The following MEF2A variants were observed in gnomAD, a reference collection of about 807,000 sequenced individuals.
MEF2A encodes myocyte-specific enhancer factor 2A.
Under a neutral mutation model 55.8 loss-of-function variants are expected in MEF2A, and 28 were observed. The ratio of observed to expected loss-of-function variants is 0.50; its 90% confidence interval spans 0.37 to 0.69. The LOEUF is 0.69. Among genes scored for constraint, MEF2A ranks in the 30% least tolerant of loss-of-function variants. MEF2A has a pLI of 0.00. For missense variants in MEF2A, 528 were observed against 626.2 expected (o/e 0.84, Z 1.67); for synonymous variants, 239 against 227.1 (o/e 1.05, Z -0.47).
At chr15:99,601,911 T>G (rs890911402) in intron 2 of MEF2A, among the ~76,000 whole-genome samples, 1 of 151,800 alleles carries the variant, frequency 6.6e-6, no homozygotes, top group Non-Finnish European at 1.5e-5. Flanking sequence ...TTGAAGAATT[T>G]GCATAGAATT....
chr15:99,618,503 A>G (rs2040581033), intron 2 of MEF2A, among the ~76,000 whole-genome samples: 1 of 152,206 alleles, frequency 6.6e-6, no homozygotes, highest in Non-Finnish European at 1.5e-5. Flanking sequence ...TACTGCGGCA[A>G]TGTTATATTT....
At chr15:99,603,298 T>C (rs1973936243) in intron 2 of MEF2A, among the ~76,000 whole-genome samples, 2 of 152,226 alleles carry the variant, frequency 1.3e-5, no homozygotes, top group Non-Finnish European at 1.5e-5. Context: ...AAGAACATAC[T>C]TTGTGTGATG....
At chr15:99,638,999 A>T (rs2044397235) in intron 3 of MEF2A, among the ~76,000 whole-genome samples, 1 of 152,188 alleles carries the variant, frequency 6.6e-6, no homozygotes. Context: ...TCTTCCAACA[A>T]CTACTCCCTC....
chr15:99,668,045 G>A (rs766378829), intron 4 of MEF2A, among the ~76,000 whole-genome samples: 2 of 151,708 alleles, frequency 1.3e-5, no homozygotes, highest in Non-Finnish European at 1.5e-5. Context: ...GAAAGTACCT[G>A]AATTGGCCCA....
At chr15:99,633,459 T>C (rs2043253901) in intron 3 of MEF2A, among the ~76,000 whole-genome samples, 1 of 152,104 alleles carries the variant, frequency 6.6e-6, no homozygotes, top group East Asian at 1.9e-4. Flanking sequence ...CATAAGATAT[T>C]TAGTCTTCTA....
At chr15:99,588,093 C>T (rs544891084) in intron 1 of MEF2A, among the ~76,000 whole-genome samples, 2 of 151,084 alleles carry the variant, frequency 1.3e-5, no homozygotes, top group African/African-American at 4.9e-5. Flanking sequence ...AGGAAGTTGC[C>T]TTCTTTTTTA....
At position 99,706,811 on chromosome 15, in the gene MEF2A, C is replaced by T. The variant is rs778187283; in HGVS notation, c.965C>T (p.Pro322Leu). 6.8e-6 allele frequency: 11 copies of T among 1,613,920 alleles called. No individual in the cohort carries two copies. The highest frequency in any genetic ancestry group is 9.3e-6 in the Non-Finnish European group (11 of 1,179,902). ...TCTGTGACAACCCCAAGCTTGCCTC[C>T]GCAAGGACTTGTGTACTCAGCAATG... ...VVSVTTPSLP[P>L]QGLVYSAMPT... The change falls in exon 10 of 12, where the codon CCG (proline) becomes CTG (leucine). Residue 322 changes from proline (P) to leucine (L), a missense_variant. By Grantham distance (98) the Pro-to-Leu change is moderately conservative. Coordinates refer to ENST00000557942, the MANE Select transcript of MEF2A (RefSeq NM_001319206.4).
intron 1 of MEF2A, among the ~76,000 whole-genome samples, chr15:99,582,942 C>T (rs1396113553): frequency 6.6e-6 from 1 of 152,070 alleles, no homozygotes; most frequent in Middle Eastern, 3.2e-3. Context: ...TAAATCACCC[C>T]AGTTCTCTTC....
At chr15:99,612,882 A>G (rs931651738) in intron 2 of MEF2A, among the ~76,000 whole-genome samples, 4 of 152,104 alleles carry the variant, frequency 2.6e-5, no homozygotes, top group Admixed American at 2.6e-4. Context: ...TGTGAAGAAT[A>G]TAAAATTCTT....
rs76011567 is a variant in MEF2A at position 99,615,905 on chromosome 15, G to A, written c.-142-17073G>A. Among the ~76,000 whole-genome samples the A allele has an allele frequency of 1.4e-3, 207 of 152,274 alleles. 6 individuals carry two copies. The East Asian group carries it at 0.036, about 26-fold the overall frequency. ...TCATTTTAAAAATGAAGAAACTGTGGCTGAGCAAGTAAGTGACTTGGTCAA... is the reference window on the plus strand; with the variant it reads ...TCATTTTAAAAATGAAGAAACTGTGACTGAGCAAGTAAGTGACTTGGTCAA... On this transcript the variant is annotated intron_variant, in intron 2 of 11. Transcript: ENST00000557942.
At chr15:99,627,295 C>T (rs141807388) in intron 2 of MEF2A, among the ~76,000 whole-genome samples, 227 of 151,764 alleles carry the variant, frequency 1.5e-3, no homozygotes, top group African/African-American at 5.3e-3. Flanking sequence ...TGATGGATGC[C>T]TATAGTCCCA....
intron 1 of MEF2A, among the ~76,000 whole-genome samples, chr15:99,571,144 A>C (rs1409537556): frequency 3.3e-5 from 5 of 151,744 alleles, no homozygotes; most frequent in African/African-American, 4.8e-5. Context: ...AGATCGTGCC[A>C]CTGCACTCCA....
At chr15:99,606,036 A>G (rs758859071) in intron 2 of MEF2A, among the ~76,000 whole-genome samples, 8 of 152,184 alleles carry the variant, frequency 5.3e-5, no homozygotes, top group Non-Finnish European at 1.2e-4. Flanking sequence ...ATATAAATCT[A>G]CAGTCACTGA....
intron 8 of MEF2A, among the ~76,000 whole-genome samples, chr15:99,695,725 A>T (rs1390320666): frequency 6.6e-6 from 1 of 152,024 alleles, no homozygotes; most frequent in Non-Finnish European, 1.5e-5. Context: ...TGGGCATGGT[A>T]GCACACGTCT....
intron 1 of MEF2A, among the ~76,000 whole-genome samples, chr15:99,581,803 G>C (rs989189223): frequency 6.6e-6 from 1 of 152,138 alleles, no homozygotes; most frequent in Non-Finnish European, 1.5e-5. Context: ...AGGAGAGGAA[G>C]AGTTTGGAGG....
chr15:99,665,668 T>A (rs1381997680), intron 4 of MEF2A, among the ~76,000 whole-genome samples: 1 of 147,122 alleles, frequency 6.8e-6, no homozygotes, highest in East Asian at 2.0e-4. Context: ...TGGGAGAAAA[T>A]TTTTGCGATC....
At chr15:99,600,221 C>T (rs1265594723) in intron 2 of MEF2A, among the ~76,000 whole-genome samples, 1 of 152,088 alleles carries the variant, frequency 6.6e-6, no homozygotes, top group East Asian at 1.9e-4. Flanking sequence ...TATTTTGAGT[C>T]ATGTTTAGAT....
At chr15:99,621,635 C>T (rs142927134) in intron 2 of MEF2A, among the ~76,000 whole-genome samples, 2 of 152,234 alleles carry the variant, frequency 1.3e-5, no homozygotes, top group East Asian at 3.9e-4. Flanking sequence ...TTATTTTTAG[C>T]CCTGATGTAT....
Position 99,704,577 on chromosome 15 carries a change from A to G in MEF2A, c.882+1192A>G, listed in dbSNP as rs533475932. On this transcript the variant is annotated intron_variant, in intron 9 of 11. Transcript: ENST00000557942. ...CTGCCCTCTTGTGGTTCTGAAAATC[A>G]CTCACTCTTGTAGAACTCAGTGCCG... is the stretch of plus-strand genomic sequence containing the variant. Among the ~76,000 whole-genome samples the G allele has an allele frequency of 2.9e-3, 438 of 152,296 alleles. 1 individual carries two copies. The highest frequency in any genetic ancestry group is 0.01 in the African/African-American group (420 of 41,546).
Sources: gnomAD v4.1 joint callset for allele counts (sites outside exome capture counted in the v4.1 genomes callset) on GRCh38, gnomAD v4.1.1 for gene constraint, MANE v1.5 for transcripts, NCBI Gene and HGNC (gene_info 2026-07-23, HGNC 2026-07-21) for gene names.